KCNQ5: variants seen among roughly 807,000 people sequenced by gnomAD.
KCNQ5 encodes potassium voltage-gated channel subfamily Q member 5.
A neutral mutation model predicts 98.2 loss-of-function variants in KCNQ5; 30 were observed. That is an observed-to-expected ratio of 0.31 (90% CI 0.23 to 0.41). The LOEUF is 0.41. Ranked by LOEUF, KCNQ5 falls within the 10% of genes least tolerant of loss-of-function variation. KCNQ5 has a pLI of 1.00. For synonymous variants in KCNQ5, 458 were observed against 449.4 expected (o/e 1.02, Z -0.24); for missense variants, 835 against 1,182.5 (o/e 0.71, Z 4.31).
At chr6:72,931,978 G>A (rs1765714003) in intron 1 of KCNQ5, among the ~76,000 whole-genome samples, 3 of 152,138 alleles carry the variant, frequency 2.0e-5, no homozygotes, top group Admixed American at 1.3e-4. Flanking sequence ...ACCAGGCACT[G>A]GAAGAGCCTT....
chr6:72,924,774 G>A (rs868223044), intron 1 of KCNQ5, among the ~76,000 whole-genome samples: 3 of 152,160 alleles, frequency 2.0e-5, no homozygotes, highest in Admixed American at 1.3e-4. Context: ...CTTGGGATAT[G>A]GAATTTTTGG....
intron 2 of KCNQ5, among the ~76,000 whole-genome samples, chr6:73,007,665 T>G (rs1329029692): frequency 6.6e-6 from 1 of 152,170 alleles, no homozygotes; most frequent in East Asian, 1.9e-4. Context: ...TGTGCACATG[T>G]TCCAGGAGGG....
At chr6:72,902,463 A>T (rs1358117629) in intron 1 of KCNQ5, among the ~76,000 whole-genome samples, 1 of 152,168 alleles carries the variant, frequency 6.6e-6, no homozygotes, top group African/African-American at 2.4e-5. Flanking sequence ...ATTCAGTATT[A>T]TGTTGGCTCT....
intron 5 of KCNQ5, among the ~76,000 whole-genome samples, chr6:73,104,188 C>T (rs1774911657): frequency 6.6e-6 from 1 of 151,888 alleles, no homozygotes; most frequent in African/African-American, 2.4e-5. Context: ...ACAACATAAT[C>T]TTATATATAG....
At chr6:72,683,139 C>T (rs1253856162) in intron 1 of KCNQ5, among the ~76,000 whole-genome samples, 1 of 152,154 alleles carries the variant, frequency 6.6e-6, no homozygotes, top group African/African-American at 2.4e-5. Flanking sequence ...GGGTAATTAA[C>T]TCAAGTTCAC....
intron 5 of KCNQ5, among the ~76,000 whole-genome samples, chr6:73,096,272 C>T (rs1488684797): frequency 6.9e-6 from 1 of 145,580 alleles, no homozygotes; most frequent in Non-Finnish European, 1.5e-5. Context: ...CAGCAGGTAC[C>T]TGAATGCAAA....
rs150099646 is a variant in KCNQ5 at position 73,055,141 on chromosome 6, G to A, written c.616+13079G>A. 489 of 776,460 alleles carry A rather than the reference G, an allele frequency of 6.3e-4. 7 individuals carry two copies. In the East Asian group the frequency reaches 0.012, roughly 19 times the overall value. 48.1% of individuals were successfully genotyped at this position (776,460 alleles called of 1,614,324 possible). A position where few individuals can be genotyped will look rare whatever the true frequency, so the allele number is the denominator to read the frequency against. On this transcript the variant is annotated intron_variant, in intron 3 of 13. Transcript: ENST00000370398. The stretch of plus-strand genomic sequence containing the variant: ...TGCAGATCCAGCACAGCGAGAGTGA[G>A]TGGAACCTGGAGAACCACTTCAGCG...
chr6:73,191,963 G>A (rs1251617738), intron 12 of KCNQ5, among the ~76,000 whole-genome samples: 3 of 152,212 alleles, frequency 2.0e-5, no homozygotes, highest in Non-Finnish European at 2.9e-5. Context: ...TGTAACATCT[G>A]TAACATGACC....
At chr6:73,003,831 T>A (rs1769701946) in intron 1 of KCNQ5, 77 bp from the exon 2 acceptor site, 2 of 964,672 alleles carry the variant, frequency 2.1e-6, no homozygotes, top group East Asian at 4.8e-5. Context: ...TGGTGCTTTA[T>A]TCATTTGAAG....
intron 1 of KCNQ5, among the ~76,000 whole-genome samples, chr6:72,954,298 T>C (rs1766941075): frequency 6.6e-6 from 1 of 151,956 alleles, no homozygotes; most frequent in African/African-American, 2.4e-5. Flanking sequence ...AAAGTGTAAG[T>C]GCTGTGGGAG....
chr6:72,746,444 G>A (rs1404403241), intron 1 of KCNQ5, among the ~76,000 whole-genome samples: 1 of 152,184 alleles, frequency 6.6e-6, no homozygotes, highest in Non-Finnish European at 1.5e-5. Flanking sequence ...AGGCAGTTCA[G>A]ATGTACCAGG....
At chr6:72,833,628 A>G (rs1233463849) in intron 1 of KCNQ5, among the ~76,000 whole-genome samples, 1 of 152,172 alleles carries the variant, frequency 6.6e-6, no homozygotes, top group Non-Finnish European at 1.5e-5. Context: ...AATTAACTTT[A>G]TAAATAGTGA....
rs959471271 is a variant in KCNQ5, at chr6:72,679,778, G to A, written c.398+57191G>A. On this transcript the variant is annotated intron_variant, in intron 1 of 13. Coordinates refer to ENST00000370398, the MANE Select transcript of KCNQ5 (RefSeq NM_019842.4). ...AAGTCAGCCAGGCATGGTGGCTCAC[G>A]TCTGTAATCCCCACTTTGGGAGGCT... Among the ~76,000 whole-genome samples the A allele has an allele frequency of 2.6e-5, 4 of 152,250 alleles. No individual in the cohort carries two copies. The East Asian group carries it at 5.8e-4, about 22-fold the overall frequency.
At chr6:73,000,131 T>G (rs1463125577) in intron 1 of KCNQ5, among the ~76,000 whole-genome samples, 1 of 152,146 alleles carries the variant, frequency 6.6e-6, no homozygotes, top group African/African-American at 2.4e-5. Context: ...GTAATCAGCA[T>G]GCATACATGC....
chr6:73,087,017 C>A (rs1423085981), intron 5 of KCNQ5, among the ~76,000 whole-genome samples: 2 of 152,118 alleles, frequency 1.3e-5, no homozygotes, highest in Non-Finnish European at 2.9e-5. Context: ...AGGGTAAAAT[C>A]AAAATGATCT....
chr6:72,804,775 A>G (rs985155341), intron 1 of KCNQ5, among the ~76,000 whole-genome samples: 4 of 152,112 alleles, frequency 2.6e-5, no homozygotes, highest in Non-Finnish European at 4.4e-5. Flanking sequence ...TTGTATTCCC[A>G]CTAACAGTAT....
chr6:72,800,721 G>T (rs933749711), intron 1 of KCNQ5, among the ~76,000 whole-genome samples: 108 of 152,242 alleles, frequency 7.1e-4, no homozygotes, highest in Non-Finnish European at 1.3e-3. Context: ...TGATGTTAGG[G>T]TGTCAATTTT....
chr6:72,970,060 A>T (rs1359787775), intron 1 of KCNQ5, among the ~76,000 whole-genome samples: 1 of 152,062 alleles, frequency 6.6e-6, no homozygotes, highest in Non-Finnish European at 1.5e-5. Flanking sequence ...GGAGTTTGAG[A>T]CCTGCTTGGG....
At chr6:72,914,675 A>C (rs958452313) in intron 1 of KCNQ5, among the ~76,000 whole-genome samples, 1 of 151,662 alleles carries the variant, frequency 6.6e-6, no homozygotes, top group Non-Finnish European at 1.5e-5. Context: ...TGACAAAAGA[A>C]GCATCGAGCC....
Sources: allele counts gnomAD v4.1 joint callset (sites outside exome capture counted in the v4.1 genomes callset), GRCh38; gene constraint gnomAD v4.1.1; transcripts MANE v1.5; gene names NCBI Gene and HGNC (gene_info 2026-07-23, HGNC 2026-07-21).